TRPM3: variants seen among roughly 807,000 people sequenced by gnomAD.
TRPM3 encodes transient receptor potential cation channel subfamily M member 3.
Under a neutral mutation model 181.2 loss-of-function variants are expected in TRPM3, and 77 were observed. The observed-to-expected ratio is 0.42, with a 90% CI of 0.35 to 0.51. The LOEUF (loss-of-function observed/expected upper bound fraction) is 0.51. TRPM3 is among the 20% of genes least tolerant of loss of function. The pLI is 0.01. For missense variants in TRPM3, 1,759 were observed against 2,196.7 expected, an observed-to-expected ratio of 0.80 and a Z score of 3.98; for synonymous variants, 745 against 796.4, an observed-to-expected ratio of 0.94 and a Z score of 1.09.
intron 1 of TRPM3, among the ~76,000 whole-genome samples, chr9:71,075,778 G>A (rs2063369841): frequency 6.6e-6 from 1 of 152,122 alleles, no homozygotes; most frequent in Admixed American, 6.6e-5. Flanking sequence ...TAACTCTATT[G>A]GCATAAGGTT....
chr9:70,967,393 T>G (rs1342717152), intron 1 of TRPM3, among the ~76,000 whole-genome samples: 1 of 56,090 alleles, frequency 1.8e-5, no homozygotes, highest in Non-Finnish European at 4.3e-5. Flanking sequence ...TCTAAATATG[T>G]TTTTTTTTAA....
chr9:71,012,603 T>G (rs2097755091), intron 1 of TRPM3, among the ~76,000 whole-genome samples: 1 of 152,056 alleles, frequency 6.6e-6, no homozygotes, highest in South Asian at 2.1e-4. Context: ...CCTCTATTTT[T>G]GTGTCTTTTG....
intron 8 of TRPM3, among the ~76,000 whole-genome samples, chr9:70,697,137 T>G (rs1475055085): frequency 6.6e-6 from 1 of 152,210 alleles, no homozygotes; most frequent in African/African-American, 2.4e-5. Context: ...AGGTTTACCC[T>G]GCAAACCAGC....
intron 6 of TRPM3, chr9:70,793,729 C>T: frequency 2.2e-6 from 1 of 446,108 alleles, no homozygotes; most frequent in South Asian, 1.6e-5. Context: ...CAGTCCCTCA[C>T]TTAGAATGAT....
At position 70,958,011 on chromosome 9, in the gene TRPM3, G is replaced by A. The variant is rs149352059; in HGVS notation, c.178-93500C>T. ...GCAACCAGAAAATTAGGAATAGCAT[G>A]TATGAAATTAGACATGGAACCTTGC... On this transcript the variant is annotated intron_variant, in intron 1 of 25. Coordinates refer to ENST00000677713, the MANE Select transcript of TRPM3 (RefSeq NM_001366145.2). 9.8e-5 allele frequency among the ~76,000 whole-genome samples: 15 copies of A among 152,348 alleles called. No individual in the cohort carries two copies. In the East Asian group the frequency reaches 2.9e-3, roughly 29 times the overall value.
intron 1 of TRPM3, among the ~76,000 whole-genome samples, chr9:71,297,948 A>T (rs1449719059): frequency 1.3e-5 from 2 of 152,202 alleles, no homozygotes; most frequent in African/African-American, 4.8e-5. Context: ...AGACTTAAAG[A>T]GGTGATTACC....
Position 70,898,487 on chromosome 9 carries a change from T to C in TRPM3, c.178-33976A>G, listed in dbSNP as rs374916817. ...GTTTCCGGCCGGGCACGGTGGCTCATGCCTGTAATCCCAGCACTTTGGGAG... is the reference window on the plus strand; with the variant it reads ...GTTTCCGGCCGGGCACGGTGGCTCACGCCTGTAATCCCAGCACTTTGGGAG... On this transcript the variant is annotated intron_variant, in intron 1 of 25. Transcript: ENST00000677713. Among the ~76,000 whole-genome samples, 15 of 150,088 alleles carry C rather than the reference T, an allele frequency of 1.0e-4. No homozygotes were observed. The East Asian group carries it at 2.8e-3, about 28-fold the overall frequency.
At chr9:70,868,895 T>A (rs932356159) in intron 1 of TRPM3, 7 of 724,964 alleles carry the variant, frequency 9.7e-6, no homozygotes, top group Admixed American at 6.3e-5. Flanking sequence ...CCTCCAAGCC[T>A]CCCTCGGTGT....
chr9:71,096,953 T>C (rs766951594), intron 1 of TRPM3, among the ~76,000 whole-genome samples: 1 of 152,116 alleles, frequency 6.6e-6, no homozygotes. Context: ...ATTGATCACA[T>C]GTATCACCCT....
intron 1 of TRPM3, among the ~76,000 whole-genome samples, chr9:71,003,291 T>C (rs2097634693): frequency 6.6e-6 from 1 of 152,056 alleles, no homozygotes; most frequent in Non-Finnish European, 1.5e-5. Flanking sequence ...TCTGTGTATA[T>C]GGCACTTTAT....
At chr9:70,666,434 A>G (rs2061856848) in intron 9 of TRPM3, among the ~76,000 whole-genome samples, 1 of 152,232 alleles carries the variant, frequency 6.6e-6, no homozygotes, top group South Asian at 2.1e-4. Flanking sequence ...TTCTGAAGAA[A>G]AACATCTGCA....
intron 1 of TRPM3, among the ~76,000 whole-genome samples, chr9:71,212,307 C>G (rs2131806453): frequency 6.6e-6 from 1 of 152,166 alleles, no homozygotes; most frequent in Non-Finnish European, 1.5e-5. Context: ...TAGAGACTCA[C>G]TATGTTGTCC....
chr9:70,613,489 A>G (rs577130994), intron 18 of TRPM3, among the ~76,000 whole-genome samples: 3 of 152,342 alleles, frequency 2.0e-5, no homozygotes, highest in African/African-American at 7.2e-5. Flanking sequence ...TATCAATCCC[A>G]TAAAAGGAGG....
At chr9:71,111,620 T>G (rs2071121834) in intron 1 of TRPM3, among the ~76,000 whole-genome samples, 1 of 152,162 alleles carries the variant, frequency 6.6e-6, no homozygotes, top group Non-Finnish European at 1.5e-5. Flanking sequence ...GAAATCCTGT[T>G]TTAACGAAAC....
chr9:70,877,145 C>T (rs773916033), intron 1 of TRPM3, among the ~76,000 whole-genome samples: 4 of 151,954 alleles, frequency 2.6e-5, no homozygotes, highest in African/African-American at 4.8e-5. Context: ...TCATCTCCCA[C>T]ACTCCACAAT....
At chr9:70,998,499 A>T (rs1476704096) in intron 1 of TRPM3, among the ~76,000 whole-genome samples, 1 of 152,060 alleles carries the variant, frequency 6.6e-6, no homozygotes, top group East Asian at 1.9e-4. Context: ...ACCTATATTG[A>T]TACATCATCA....
intron 1 of TRPM3, among the ~76,000 whole-genome samples, chr9:70,927,208 G>A (rs2096729270): frequency 6.6e-6 from 1 of 152,180 alleles, no homozygotes; most frequent in Non-Finnish European, 1.5e-5. Context: ...GGAAGCTAGA[G>A]AATGTTATCT....
chr9:70,583,889 C>T (rs2056549430), intron 22 of TRPM3, among the ~76,000 whole-genome samples: 1 of 152,166 alleles, frequency 6.6e-6, no homozygotes, highest in Admixed American at 6.5e-5. Flanking sequence ...TCCTACAATG[C>T]AAGCTCCTCC....
At chr9:70,886,837 G>A (rs757450912) in intron 1 of TRPM3, among the ~76,000 whole-genome samples, 2 of 152,022 alleles carry the variant, frequency 1.3e-5, no homozygotes, top group East Asian at 1.9e-4. Context: ...GCTAATTTTT[G>A]TATATTTAGT....
Sources: allele counts gnomAD v4.1 joint callset (sites outside exome capture counted in the v4.1 genomes callset), GRCh38; gene constraint gnomAD v4.1.1; transcripts MANE v1.5; gene names NCBI Gene and HGNC (gene_info 2026-07-23, HGNC 2026-07-21).